Variants in COL3A1 observed in about 807,000 individuals in gnomAD.
COL3A1 encodes collagen alpha-1(III) chain.
Under a neutral mutation model 200.9 loss-of-function variants are expected in COL3A1, and 46 were observed. The ratio of observed to expected loss-of-function variants is 0.23; its 90% CI spans 0.18 to 0.29. The LOEUF (loss-of-function observed/expected upper bound fraction) is 0.29, where lower values mean the gene tolerates loss of function less well. COL3A1 is among the 10% of genes least tolerant of loss of function. COL3A1 has a pLI of 1.00. For synonymous variants in COL3A1, 650 were observed against 628.0 expected, an observed-to-expected ratio of 1.03 and a Z score of -0.52; for missense variants, 1,367 against 1,917.6, an observed-to-expected ratio of 0.71 and a Z score of 5.36.
intron 1 of COL3A1, 93 bp from the exon 2 acceptor site, chr2:188,984,667 A>C: frequency 9.2e-7 from 1 of 1,086,292 alleles, no homozygotes; most frequent in African/African-American, 1.5e-5. Flanking sequence ...AACCTTTTCA[A>C]CTTTGGCTAT....
intron 1 of COL3A1, among the ~76,000 whole-genome samples, chr2:188,978,783 A>G (rs914516478): frequency 1.3e-5 from 2 of 149,448 alleles, no homozygotes; most frequent in African/African-American, 4.9e-5. Context: ...AAAAGATCAT[A>G]TAGTGTAAAA....
chr2:188,994,838 T>G lies in COL3A1; in HGVS notation c.1455+7T>G. 1 of 1,612,876 alleles carries G rather than the reference T, an allele frequency of 6.2e-7. No individual in the cohort carries two copies. Among genetic ancestry groups the G allele is most frequent in the Middle Eastern group, 1.9e-4 (1 of 5,402 alleles). ...AGGAGCTGCAGGAGAAAGGGTACGT[T>G]TTCCATGGGGCATCTAAAAGAAAAG... is the stretch of plus-strand genomic sequence containing the variant. On this transcript the variant is annotated splice_region_variant and intron_variant, in intron 20 of 50. Transcript: ENST00000304636. The surrounding 1 kb of genome is among the most constrained non-coding windows in gnomAD (Gnocchi z 4.5).
Position 189,009,129 on chromosome 2 carries a change from A to G in COL3A1, c.3731A>G (p.Gln1244Arg). ...IMTSLKSVNG[Q>R]IESLISPDGS... ...ACTTCACTCAAGTCTGTTAATGGACAAATAGAAAGCCTCATTAGTCCTGAT... is the reference window on the plus strand; with the variant it reads ...ACTTCACTCAAGTCTGTTAATGGACGAATAGAAAGCCTCATTAGTCCTGAT... Residue 1244 changes from glutamine to arginine, a missense_variant, in exon 48 of 51, where the codon CAA (glutamine) becomes CGA (arginine). Transcript: ENST00000304636. 2 of 1,614,194 alleles carry G rather than the reference A, an allele frequency of 1.2e-6. No homozygotes were observed. Among genetic ancestry groups the G allele is most frequent in the South Asian group, 1.1e-5 (1 of 91,090 alleles).
chr2:188,990,797 T>G (rs1688172182), intron 10 of COL3A1, among the ~76,000 whole-genome samples: 1 of 152,180 alleles, frequency 6.6e-6, no homozygotes. Context: ...CTTATCAGAC[T>G]AAATTGCACT....
chr2:189,008,094 C>A lies in COL3A1; in HGVS notation c.3477C>A (p.Pro1159=), dbSNP rs1243317401. The change falls in exon 47 of 51, where the codon CCC becomes CCA. Residue 1159 remains proline (P), a synonymous_variant. Coordinates refer to ENST00000304636, the MANE Select transcript of COL3A1 (RefSeq NM_000090.4). The part of the protein sequence containing the change: ...GKDGTSGHPG[P]IGPPGPRGNR... ...ATGGAACCAGTGGACATCCAGGTCC[C>A]ATTGGACCACCAGGGCCTCGAGGTA... is the stretch of plus-strand genomic sequence containing the variant. The A allele has an allele frequency of 3.1e-6, 5 of 1,613,956 alleles. No homozygotes were observed. Among genetic ancestry groups the A allele is most frequent in the Non-Finnish European group, 2.5e-6 (3 of 1,179,924 alleles).
At chr2:189,010,154 C>A (rs1023907607) in intron 48 of COL3A1, 24 bp from the exon 49 acceptor site, 9 of 1,611,970 alleles carry the variant, frequency 5.6e-6, no homozygotes, top group Non-Finnish European at 7.6e-6. Flanking sequence ...TAACCAATTC[C>A]CATTCTTTTT....
chr2:189,008,930 C>T lies in COL3A1; in HGVS notation c.3532C>T (p.Pro1178Ser), dbSNP rs759565407. Residue 1178 changes from proline (P) to serine (S), a missense_variant, in exon 48 of 51, where the codon CCA becomes TCA. Physicochemically the swap from Pro to Ser is moderately conservative, Grantham distance 74 (BLOSUM62 -1). Around this residue, in one of 5 missense-constraint regions of COL3A1, gnomAD observed 846 missense variants for 1,147.9 expected, o/e 0.74. Coordinates refer to ENST00000304636, the MANE Select transcript of COL3A1 (RefSeq NM_000090.4). Reference protein sequence around the residue: ...NRGERGSEGSPGHPGQPGPPG... With the variant: ...NRGERGSEGSSGHPGQPGPPG... ...CATGTTTTACTCATTCTAGGGCTCC[C>T]CAGGCCACCCAGGGCAACCAGGCCC... The T allele has an allele frequency of 5.0e-6, 8 of 1,613,732 alleles. No individual in the cohort carries two copies. In the African/African-American group the frequency reaches 8.0e-5, roughly 16 times the overall value.
In COL3A1 at chr2:188,992,177, T is replaced by C; in HGVS notation, c.952-7T>C. ...AAAGGATATTTGATGTAAACTTCTC[T>C]TTTTAGGGTGCTCGGGGTAATGACG... On this transcript the variant is annotated splice_polypyrimidine_tract_variant and splice_region_variant and intron_variant, in intron 13 of 50. Coordinates refer to ENST00000304636, the MANE Select transcript of COL3A1 (RefSeq NM_000090.4). 6.2e-7 allele frequency: 1 copy of C among 1,613,860 alleles called. No homozygotes were observed. Among genetic ancestry groups the C allele is most frequent in the East Asian group, 2.2e-5 (1 of 44,836 alleles).
At chr2:188,999,788 C>G in intron 31 of COL3A1, 54 bp from the exon 32 acceptor site, 2 of 1,554,994 alleles carry the variant, frequency 1.3e-6, no homozygotes, top group Non-Finnish European at 8.7e-7. Context: ...CTCTTCTTGG[C>G]TGATTTTCAC....
At chr2:188,991,363 A>C (rs1688184877) in intron 11 of COL3A1, 124 bp from the exon 12 acceptor site, 1 of 680,764 alleles carries the variant, frequency 1.5e-6, no homozygotes, top group East Asian at 2.9e-5. Flanking sequence ...ACAGAAAATT[A>C]ATATTGTTAA....
rs763906653 is a variant in COL3A1, at chr2:188,998,661, G to A, written c.1978-13G>A. ...TCTGATATGGGCCTAATCATATAAT[G>A]CCAATCTCCCAGGGTCCAAAGGGTG... On this transcript the variant is annotated splice_polypyrimidine_tract_variant and intron_variant, in intron 28 of 50. Coordinates refer to ENST00000304636, the MANE Select transcript of COL3A1 (RefSeq NM_000090.4). 5 of 1,613,128 alleles carry A rather than the reference G, an allele frequency of 3.1e-6. No individual in the cohort carries two copies. The highest frequency in any genetic ancestry group is 1.1e-5 in the South Asian group (1 of 91,040).
chr2:189,003,044 T>G lies in COL3A1; in HGVS notation c.2535T>G (p.Pro845=), dbSNP rs1399924857. The G allele has an allele frequency of 6.4e-7, 1 of 1,551,226 alleles. No individual in the cohort carries two copies. The highest frequency in any genetic ancestry group is 1.2e-5 in the South Asian group (1 of 84,058). Residue 845 remains proline, a synonymous_variant, in exon 36 of 51, where the codon CCT becomes CCG. Coordinates refer to ENST00000304636, the MANE Select transcript of COL3A1 (RefSeq NM_000090.4). ...GCCCTCCTGGAGTTGCAGGACCCCCTGGAGGTTCTGGACCTGCTGTAAGTT... is the reference window on the plus strand; with the variant it reads ...GCCCTCCTGGAGTTGCAGGACCCCCGGGAGGTTCTGGACCTGCTGTAAGTT... ...EGGPPGVAGP[P]GGSGPAGPPG...
intron 1 of COL3A1, among the ~76,000 whole-genome samples, chr2:188,977,067 T>A (rs1253079446): frequency 6.6e-6 from 1 of 152,136 alleles, no homozygotes; most frequent in African/African-American, 2.4e-5. Context: ...GGTAACAATA[T>A]TCAGAGTCTT....
At chr2:189,003,180 T>TG in intron 36 of COL3A1, 118 bp downstream of exon 36, 2 of 871,262 alleles carry the variant, frequency 2.3e-6, no homozygotes, top group South Asian at 2.9e-5. Context: ...AGTGTTCTAA[T>TG]GGAAAAACAT....
At chr2:189,006,834 A>G (rs1220578051) in intron 43 of COL3A1, 103 bp from the exon 44 acceptor site, 15 of 1,196,950 alleles carry the variant, frequency 1.3e-5, no homozygotes, top group Admixed American at 1.8e-5. Flanking sequence ...CATGCATACT[A>G]TAATTCTATT....
chr2:188,992,345 C>A, intron 14 of COL3A1, 117 bp downstream of exon 14: 4 of 843,274 alleles, frequency 4.7e-6, no homozygotes, highest in African/African-American at 3.5e-5. Flanking sequence ...ATATGTATAT[C>A]TCTAATATAC....
Position 189,002,321 on chromosome 2 carries a change from T to C in COL3A1, c.2415T>C (p.Pro805=), listed in dbSNP as rs1197771741. ...GSPGERGETG[P]PGPAGFPGAP... Reference sequence around the variant, plus strand: ...AGGGTGAGAGAGGTGAAACTGGCCCTCCAGGACCTGCTGGTTTCCCTGGTG... The same window carrying C: ...AGGGTGAGAGAGGTGAAACTGGCCCCCCAGGACCTGCTGGTTTCCCTGGTG... The change falls in exon 35 of 51, where the codon CCT becomes CCC. Residue 805 remains proline (P), a synonymous_variant. Transcript: ENST00000304636. 1 of 1,614,048 alleles carries C rather than the reference T, an allele frequency of 6.2e-7. No homozygotes were observed. The highest frequency in any genetic ancestry group is 1.7e-5 in the Admixed American group (1 of 60,010).
intron 21 of COL3A1, 100 bp downstream of exon 21, chr2:188,995,199 T>C: frequency 2.6e-6 from 3 of 1,174,950 alleles, no homozygotes; most frequent in Non-Finnish European, 3.7e-6. Flanking sequence ...ATCTGAAGAA[T>C]ATATATTAGA....
chr2:189,006,439 A>G lies in COL3A1; in HGVS notation c.3188A>G (p.Asp1063Gly), dbSNP rs1688588107. 6.2e-7 allele frequency: 1 copy of G among 1,613,980 alleles called. No homozygotes were observed. ...GTCGGTCCAGCTGGAAAGAGTGGTGACAGAGGAGAAAGTGTGAGTTCCCAA... is the reference window on the plus strand; with the variant it reads ...GTCGGTCCAGCTGGAAAGAGTGGTGGCAGAGGAGAAAGTGTGAGTTCCCAA... The part of the protein sequence containing the change: ...GPVGPAGKSG[D>G]RGESGPAGPA... The change falls in exon 43 of 51, where the codon GAC (aspartate) becomes GGC (glycine). Residue 1063 changes from aspartate to glycine, a missense_variant. Around this residue, in one of 5 missense-constraint regions of COL3A1, gnomAD observed 846 missense variants for 1,147.9 expected, o/e 0.74. Transcript: ENST00000304636.
Sources: allele counts gnomAD v4.1 joint callset (sites outside exome capture counted in the v4.1 genomes callset), GRCh38; gene constraint gnomAD v4.1.1; regional missense constraint gnomAD v4.1.1; non-coding constraint Gnocchi (gnomAD v3.1); transcripts MANE v1.5; gene names NCBI Gene and HGNC (gene_info 2026-07-23, HGNC 2026-07-21).